The following MLYCD variants were observed in gnomAD, a reference collection of about 807,000 sequenced individuals.
MLYCD encodes the protein malonyl-CoA decarboxylase, mitochondrial.
In MLYCD, 27 loss-of-function variants were observed where a neutral mutation model predicts 35.8. The observed-to-expected ratio is 0.75, with a 90% confidence interval of 0.56 to 1.04. The LOEUF is 1.04. MLYCD is among the 50% of genes least tolerant of loss of function. MLYCD has a pLI of 0.00. For missense variants in MLYCD, 917 were observed against 665.1 expected (o/e 1.38, Z -4.17); for synonymous variants, 403 against 302.4 (o/e 1.33, Z -3.45).
chr16:83,905,918 G>A (rs1906957562), intron 1 of MLYCD, among the ~76,000 whole-genome samples: 1 of 152,234 alleles, frequency 6.6e-6, no homozygotes, highest in Admixed American at 6.5e-5. Context: ...TTCTGCTCTT[G>A]CTGGAAAAGC....
At position 83,915,300 on chromosome 16, in the gene MLYCD, G is replaced by A; in HGVS notation, c.1293G>A (p.Trp431Ter). 1 of 1,613,852 alleles carries A rather than the reference G, an allele frequency of 6.2e-7. No individual in the cohort carries two copies. Among genetic ancestry groups the A allele is most frequent in the Non-Finnish European group, 8.5e-7 (1 of 1,179,800 alleles). The change falls in exon 5 of 5, where the codon TGG becomes TGA. Residue 431 changes from tryptophan (W) to a stop codon, truncating the protein, a stop_gained. Coordinates refer to ENST00000262430, the MANE Select transcript of MLYCD (RefSeq NM_012213.3). LOFTEE classifies it high-confidence loss of function. ...NFHLQNGAVL[W>*]RINWMADVSL... ...ACCTGCAGAACGGGGCGGTGCTGTG[G>A]CGCATCAACTGGATGGCGGATGTGA... is the stretch of plus-strand genomic sequence containing the variant.
intron 1 of MLYCD, among the ~76,000 whole-genome samples, chr16:83,905,025 C>A (rs971417668): frequency 3.3e-5 from 5 of 152,164 alleles, no homozygotes; most frequent in South Asian, 2.1e-4. Context: ...GAGCCATCAC[C>A]CCAAAACCTG....
At chr16:83,914,799 C>T (rs2151059868) in intron 4 of MLYCD, 157 bp from the exon 5 acceptor site, 1 of 1,108,608 alleles carries the variant, frequency 9.0e-7, no homozygotes, top group Non-Finnish European at 1.3e-6. Flanking sequence ...AAAAGAAAAG[C>T]TGCTTGAAAG....
chr16:83,922,064 G>A lies in MLYCD; in HGVS notation c.*6575G>A, dbSNP rs932102041. On this transcript the variant is annotated 3_prime_UTR_variant, in exon 5 of 5. Transcript: ENST00000262430. ...GTCTTCCTCTGGAAAGTGCCCAGCA[G>A]TGTTGGGCTCACCGTAGCTGCACAA... 1.3e-5 allele frequency: 2 copies of A among 152,210 alleles called. No homozygotes were observed. Among genetic ancestry groups the A allele is most frequent in the Non-Finnish European group, 2.9e-5 (2 of 68,058 alleles). 9.4% of individuals were successfully genotyped at this position (152,210 alleles called of 1,614,324 possible).
At position 83,915,551 on chromosome 16, in the gene MLYCD, C is replaced by A; in HGVS notation, c.*62C>A. On this transcript the variant is annotated 3_prime_UTR_variant, in exon 5 of 5. Transcript: ENST00000262430. ...GAAAACGATCATTTTCAGGAGGGGC[C>A]GGGAGTTATGTATCTGAAGCAGCTT... 1 of 1,585,888 alleles carries A rather than the reference C, an allele frequency of 6.3e-7. No individual in the cohort carries two copies. The highest frequency in any genetic ancestry group is 8.5e-7 in the Non-Finnish European group (1 of 1,173,914).
At chr16:83,909,726 A>G (rs1191961592) in intron 3 of MLYCD, among the ~76,000 whole-genome samples, 1 of 150,704 alleles carries the variant, frequency 6.6e-6, no homozygotes, top group South Asian at 2.1e-4. Context: ...GGTACAAGCA[A>G]TTCTCCTGCC....
intron 3 of MLYCD, chr16:83,911,917 C>T: frequency 2.5e-6 from 1 of 401,424 alleles, no homozygotes; most frequent in South Asian, 2.2e-5. Flanking sequence ...TTTTTGTTTG[C>T]ACAAAGGCCT....
chr16:83,909,690 C>T (rs536452984), intron 3 of MLYCD, among the ~76,000 whole-genome samples: 53 of 148,764 alleles, frequency 3.6e-4, no homozygotes, highest in African/African-American at 1.3e-3. Context: ...GGTGCTGTCT[C>T]GGCTCACTGC....
At chr16:83,907,152 G>A (rs1907008530) in intron 2 of MLYCD, 53 bp downstream of exon 2, 3 of 1,441,532 alleles carry the variant, frequency 2.1e-6, no homozygotes, top group Admixed American at 1.7e-5. Context: ...ATATATATTT[G>A]TGTATGTTTT....
rs552057731 is a variant in MLYCD, at chr16:83,920,264, A to G, written c.*4775A>G. On this transcript the variant is annotated 3_prime_UTR_variant, in exon 5 of 5. Transcript: ENST00000262430. ...CCCATTCTGTTTGCGATAAAAACAG[A>G]TCTCCTCCAGCTCACGTGAGGCTAG... The G allele has an allele frequency of 2.0e-5, 3 of 152,110 alleles. No homozygotes were observed. Among genetic ancestry groups the G allele is most frequent in the African/African-American group, 7.2e-5 (3 of 41,412 alleles). The allele number at this position is 152,110 out of a possible 1,614,324, so 9.4% of individuals were successfully genotyped here. A position where few individuals can be genotyped will look rare whatever the true frequency, so the allele number is the denominator to read the frequency against.
At chr16:83,911,444 C>A (rs1907176593) in intron 3 of MLYCD, among the ~76,000 whole-genome samples, 1 of 152,198 alleles carries the variant, frequency 6.6e-6, no homozygotes, top group East Asian at 1.9e-4. Flanking sequence ...TGCTTCAAAG[C>A]AAATGAAAAG....
At chr16:83,910,339 A>G (rs1907130267) in intron 3 of MLYCD, among the ~76,000 whole-genome samples, 2 of 152,146 alleles carry the variant, frequency 1.3e-5, no homozygotes. Context: ...CTTAAAAAAA[A>G]GATTGCTGGG....
At position 83,915,698 on chromosome 16, in the gene MLYCD, G is replaced by A. The variant is rs190941259; in HGVS notation, c.*209G>A. On this transcript the variant is annotated 3_prime_UTR_variant, in exon 5 of 5. Coordinates refer to ENST00000262430, the MANE Select transcript of MLYCD (RefSeq NM_012213.3). ...CCCAGTGCAAGACGGTTGTGGGTGC[G>A]GGTGCACACAAATGAGTGGGTTGCT... 2.1e-4 allele frequency: 305 copies of A among 1,448,500 alleles called. 1 individual carries two copies. The African/African-American group carries it at 3.8e-3, about 18-fold the overall frequency. The allele number at this position is 1,448,500 out of a possible 1,614,324, so 89.7% of individuals were successfully genotyped here.
Position 83,916,014 on chromosome 16 carries a change from A to T in MLYCD, c.*525A>T, listed in dbSNP as rs1172195007. 2.9e-5 allele frequency: 29 copies of T among 1,005,438 alleles called. No homozygotes were observed. The highest frequency in any genetic ancestry group is 3.5e-5 in the Non-Finnish European group (29 of 840,196). 62.3% of individuals were successfully genotyped at this position (1,005,438 alleles called of 1,614,324 possible). On this transcript the variant is annotated 3_prime_UTR_variant, in exon 5 of 5. Coordinates refer to ENST00000262430, the MANE Select transcript of MLYCD (RefSeq NM_012213.3). The stretch of plus-strand genomic sequence containing the variant: ...GTTACATTCTGAAGCTCATAAATGT[A>T]TGAGAAGGTTTGTGATTTTGCACAA...
rs1301999262 is a variant in MLYCD at position 83,915,992 on chromosome 16, AC to A, written c.*504del. The stretch of plus-strand genomic sequence containing the variant: ...AAGGGCTGTGCTACACTTCCCAGTT[AC>A]ATTCTGAAGCTCATAAATGTATGAG... On this transcript the variant is annotated 3_prime_UTR_variant, in exon 5 of 5. Transcript: ENST00000262430. 3 of 1,012,626 alleles carry A rather than the reference AC, an allele frequency of 3.0e-6. No individual in the cohort carries two copies. Among genetic ancestry groups the A allele is most frequent in the Non-Finnish European group, 3.6e-6 (3 of 844,642 alleles). The allele number at this position is 1,012,626 out of a possible 1,614,324, so 62.7% of individuals were successfully genotyped here.
Position 83,916,402 on chromosome 16 carries a change from GTC to G in MLYCD, c.*917_*918del, listed in dbSNP as rs201259730. On this transcript the variant is annotated 3_prime_UTR_variant, in exon 5 of 5. Coordinates refer to ENST00000262430, the MANE Select transcript of MLYCD (RefSeq NM_012213.3). ...CACATCTGTGTGCATGTGCACGAGC[GTC>G]TCTGTGTGGATCAGTGCACGTCTGT... The G allele has an allele frequency of 1.0e-2, 1,633 of 164,022 alleles. 16 individuals are homozygous for G. The highest frequency in any genetic ancestry group is 0.023 in the Admixed American group (352 of 15,314). The allele number at this position is 164,022 out of a possible 1,614,324, so 10.2% of individuals were successfully genotyped here.
intron 3 of MLYCD, among the ~76,000 whole-genome samples, chr16:83,909,853 G>A (rs573733259): frequency 6.6e-6 from 1 of 150,680 alleles, no homozygotes; most frequent in Non-Finnish European, 1.5e-5. Context: ...GGCTGGTCTC[G>A]AACTCCCGAC....
At position 83,917,204 on chromosome 16, in the gene MLYCD, T is replaced by C. The variant is rs1597297233; in HGVS notation, c.*1715T>C. On this transcript the variant is annotated 3_prime_UTR_variant, in exon 5 of 5. Coordinates refer to ENST00000262430, the MANE Select transcript of MLYCD (RefSeq NM_012213.3). ...CTGTGTGTGTCAGTGCACGTCTGTG[T>C]GTGCACGAGCGTCTCTGTGTGGATC... The C allele has an allele frequency of 6.7e-6, 1 of 148,610 alleles. No homozygotes were observed. The highest frequency in any genetic ancestry group is 2.0e-4 in the East Asian group (1 of 4,906). The allele number at this position is 148,610 out of a possible 1,614,324, so 9.2% of individuals were successfully genotyped here. A position where few individuals can be genotyped will look rare whatever the true frequency, so the allele number is the denominator to read the frequency against.
Position 83,925,993 on chromosome 16 carries a change from C to T in MLYCD, c.*10504C>T, listed in dbSNP as rs575357542. The T allele has an allele frequency of 6.6e-6, 1 of 152,434 alleles. No individual in the cohort carries two copies. The highest frequency in any genetic ancestry group is 1.9e-4 in the East Asian group (1 of 5,182). The allele number at this position is 152,434 out of a possible 1,614,324, so 9.4% of individuals were successfully genotyped here. A position where few individuals can be genotyped will look rare whatever the true frequency, so the allele number is the denominator to read the frequency against. On this transcript the variant is annotated 3_prime_UTR_variant, in exon 5 of 5. Coordinates refer to ENST00000262430, the MANE Select transcript of MLYCD (RefSeq NM_012213.3). ...CAGGGACCCTGCTTCGCTTCTGGCC[C>T]GAGGTGGCTGCAGGGTCTGCAAGAT...
Sources: allele counts gnomAD v4.1 joint callset (sites outside exome capture counted in the v4.1 genomes callset), GRCh38; gene constraint gnomAD v4.1.1; transcripts MANE v1.5; gene names NCBI Gene and HGNC (gene_info 2026-07-23, HGNC 2026-07-21).